The following CNOT11 variants were observed in gnomAD, a reference collection of about 807,000 sequenced individuals.
CNOT11 encodes the protein CCR4-NOT transcription complex subunit 11.
CNOT11 carries 18 observed loss-of-function variants against 44.6 expected under a neutral mutation model. The observed-to-expected ratio is 0.40, with a 90% confidence interval of 0.28 to 0.60. The LOEUF is 0.60. Among genes scored for constraint, CNOT11 ranks in the 20% least tolerant of loss-of-function variants. The probability of loss-of-function intolerance (pLI) is 0.38; values close to 1 mark genes in which losing one functional copy is unlikely to be tolerated. For synonymous variants in CNOT11, 291 were observed against 270.9 expected (o/e 1.07, Z -0.73); for missense variants, 513 against 677.0 (o/e 0.76, Z 2.69).
chr2:101,265,261 C>T (rs1035757921), intron 4 of CNOT11, among the ~76,000 whole-genome samples: 3 of 151,992 alleles, frequency 2.0e-5, no homozygotes, highest in Admixed American at 1.3e-4. Context: ...CCACCATGCC[C>T]GGCTAATTTT....
chr2:101,262,450 C>T, intron 2 of CNOT11, 89 bp from the exon 3 acceptor site: 1 of 1,198,772 alleles, frequency 8.3e-7, no homozygotes. Context: ...CTTTGTTTTT[C>T]TCTGTTACAG....
chr2:101,265,411 A>G (rs2104368861), intron 4 of CNOT11, among the ~76,000 whole-genome samples: 1 of 152,210 alleles, frequency 6.6e-6, no homozygotes, highest in East Asian at 1.9e-4. Flanking sequence ...GCATTTTCTT[A>G]TCTTTAATCC....
intron 1 of CNOT11, among the ~76,000 whole-genome samples, chr2:101,257,032 G>A (rs1195288587): frequency 7.3e-5 from 11 of 151,540 alleles, no homozygotes; most frequent in Non-Finnish European, 1.5e-4. Flanking sequence ...CTGGGCGACA[G>A]AGCGAGATTC....
chr2:101,265,111 T>C (rs1380301389), intron 4 of CNOT11, 64 bp downstream of exon 4: 1 of 1,258,454 alleles, frequency 7.9e-7, no homozygotes, highest in African/African-American at 1.5e-5. Context: ...TTAAAAAAAT[T>C]TGTTTTTGAG....
intron 1 of CNOT11, 35 bp from the exon 2 acceptor site, chr2:101,257,756 C>G (rs771890624): frequency 6.4e-7 from 1 of 1,567,998 alleles, no homozygotes; most frequent in East Asian, 2.3e-5. Flanking sequence ...TTAAAAGTAA[C>G]CATTGGAGAA....
At position 101,269,483 on chromosome 2, in the gene CNOT11, A is replaced by T; in HGVS notation, c.*70A>T. 1 of 1,367,688 alleles carries T rather than the reference A, an allele frequency of 7.3e-7. No individual in the cohort carries two copies. The highest frequency in any genetic ancestry group is 1.0e-6 in the Non-Finnish European group (1 of 971,174). The allele number at this position is 1,367,688 out of a possible 1,614,324, so 84.7% of individuals were successfully genotyped here. A position where few individuals can be genotyped will look rare whatever the true frequency, so the allele number is the denominator to read the frequency against. On this transcript the variant is annotated 3_prime_UTR_variant, in exon 7 of 7. Coordinates refer to ENST00000289382, the MANE Select transcript of CNOT11 (RefSeq NM_017546.5). The surrounding 1 kb of genome is among the most constrained non-coding windows in gnomAD (Gnocchi z 4.8). ...GTGATTTAGTTTTTACACCGTTAAA[A>T]CCCTGAGTGGATTGCTTGGTTTAAT...
chr2:101,269,606 G>A lies in CNOT11; in HGVS notation c.*193G>A, dbSNP rs961888115. 6 of 483,918 alleles carry A rather than the reference G, an allele frequency of 1.2e-5. No homozygotes were observed. The highest frequency in any genetic ancestry group is 1.2e-4 in the African/African-American group (6 of 50,906). 30.0% of individuals were successfully genotyped at this position (483,918 alleles called of 1,614,324 possible). On this transcript the variant is annotated 3_prime_UTR_variant, in exon 7 of 7. Transcript: ENST00000289382. The surrounding 1 kb of genome is among the most constrained non-coding windows in gnomAD (Gnocchi z 4.8). Reference sequence around the variant, plus strand: ...TTTTGATAAGAACTAGGGAAAACATGTCTTTTAGGTGTCTTGCTGATGACT... The same window carrying A: ...TTTTGATAAGAACTAGGGAAAACATATCTTTTAGGTGTCTTGCTGATGACT...
Position 101,264,844 on chromosome 2 carries a change from G to A in CNOT11, c.833-1G>A. On this transcript the variant is annotated splice_acceptor_variant, in intron 3 of 6. Coordinates refer to ENST00000289382, the MANE Select transcript of CNOT11 (RefSeq NM_017546.5). LOFTEE classifies it high-confidence loss of function. ...AGCAACTATCACGGCTCTCATTACA[G>A]GCCATTTTCGACCAGAGTTTATTCG... 6.2e-7 allele frequency: 1 copy of A among 1,613,802 alleles called. No individual in the cohort carries two copies. The highest frequency in any genetic ancestry group is 8.5e-7 in the Non-Finnish European group (1 of 1,179,802).
intron 3 of CNOT11, 104 bp from the exon 4 acceptor site, chr2:101,264,741 T>A: frequency 1.1e-6 from 1 of 888,806 alleles, no homozygotes; most frequent in East Asian, 2.5e-5. Flanking sequence ...AGTCACATCA[T>A]CCTTATTAAG....
intron 2 of CNOT11, among the ~76,000 whole-genome samples, chr2:101,259,543 T>G (rs1343559140): frequency 6.6e-6 from 1 of 152,190 alleles, no homozygotes; most frequent in Non-Finnish European, 1.5e-5. Context: ...TGAGAGCAAC[T>G]CAACAGGGAA....
chr2:101,253,058 A>C lies in CNOT11; in HGVS notation c.94A>C (p.Ser32Arg). ...GGAAGCGGCAGGGTCGGCGTCCAGGAGCGGCTTCGGGGGCTCCGGCGGCGG... is the reference window on the plus strand; with the variant it reads ...GGAAGCGGCAGGGTCGGCGTCCAGGCGCGGCTTCGGGGGCTCCGGCGGCGG... ...SREAAGSASR[S>R]GFGGSGGGRG... The change falls in exon 1 of 7, where the codon AGC (serine) becomes CGC (arginine). Residue 32 changes from serine to arginine, a missense_variant. This residue lies in a region of CNOT11 where 259 missense variants were observed against 265.7 expected (regional missense o/e 0.97). Coordinates refer to ENST00000289382, the MANE Select transcript of CNOT11 (RefSeq NM_017546.5). The surrounding 1 kb of genome is among the most constrained non-coding windows in gnomAD (Gnocchi z 4.3). 2.0e-6 allele frequency: 3 copies of C among 1,517,528 alleles called. No individual in the cohort carries two copies. The highest frequency in any genetic ancestry group is 2.6e-6 in the Non-Finnish European group (3 of 1,138,346). 94.0% of individuals were successfully genotyped at this position (1,517,528 alleles called of 1,614,324 possible).
intron 4 of CNOT11, among the ~76,000 whole-genome samples, 200 bp downstream of exon 4, chr2:101,265,247 T>G (rs1573202898): frequency 6.6e-6 from 1 of 152,074 alleles, no homozygotes; most frequent in Non-Finnish European, 1.5e-5. Flanking sequence ...ACTACAGGCA[T>G]GCACCACCAT....
Position 101,253,568 on chromosome 2 carries a change from TTAAC to T in CNOT11, c.514+93_514+96del. 1.8e-6 allele frequency: 2 copies of T among 1,135,392 alleles called. No homozygotes were observed. The highest frequency in any genetic ancestry group is 2.4e-6 in the Non-Finnish European group (2 of 848,562). 70.3% of individuals were successfully genotyped at this position (1,135,392 alleles called of 1,614,324 possible). A position where few individuals can be genotyped will look rare whatever the true frequency, so the allele number is the denominator to read the frequency against. ...GCTGGGAACTCACCTGAAAGGGAAA[TTAAC>T]TATCCCTGTGAAATGATCATCCTCT... On this transcript the variant is annotated intron_variant, in intron 1 of 6. Coordinates refer to ENST00000289382, the MANE Select transcript of CNOT11 (RefSeq NM_017546.5). The surrounding 1 kb of genome is among the most constrained non-coding windows in gnomAD (Gnocchi z 4.3).
At chr2:101,262,409 A>G (rs1681885901) in intron 2 of CNOT11, 130 bp from the exon 3 acceptor site, 9 of 781,806 alleles carry the variant, frequency 1.2e-5, no homozygotes, top group African/African-American at 1.0e-4. Context: ...ACAGACATAC[A>G]CACATTTTCT....
chr2:101,257,901 G>A lies in CNOT11; in HGVS notation c.625G>A (p.Val209Ile), dbSNP rs770515487. Residue 209 changes from valine (V) to isoleucine (I), a missense_variant, in exon 2 of 7, where the codon GTT becomes ATT. Transcript: ENST00000289382. ...GCCTCGCCAGATTGCACTGATGGACGTTGGAAACATGGGCCAGTCTGTGGA... is the reference window on the plus strand; with the variant it reads ...GCCTCGCCAGATTGCACTGATGGACATTGGAAACATGGGCCAGTCTGTGGA... Reference protein sequence around the residue: ...KTPRQIALMDVGNMGQSVDIS... With the variant: ...KTPRQIALMDIGNMGQSVDIS... The A allele has an allele frequency of 4.1e-5, 66 of 1,614,094 alleles. No individual in the cohort carries two copies. The East Asian group carries it at 5.3e-4, about 13-fold the overall frequency.
intron 3 of CNOT11, among the ~76,000 whole-genome samples, chr2:101,264,535 C>T (rs1462861443): frequency 6.6e-6 from 1 of 152,164 alleles, no homozygotes; most frequent in Non-Finnish European, 1.5e-5. Flanking sequence ...GAGTCGTGCC[C>T]TTTTGCTGTT....
chr2:101,266,876 A>G lies in CNOT11; in HGVS notation c.1235A>G (p.Asn412Ser). ...TCTTTACATTCAATGGAAGTTGTAA[A>G]TCGGTAAGTTTCTAGATTTGATCAA... is the stretch of plus-strand genomic sequence containing the variant. ...DMSLHSMEVVNRLTTAVDLPP... is the reference protein window; with the variant it reads ...DMSLHSMEVVSRLTTAVDLPP... The change falls in exon 5 of 7, where the codon AAT becomes AGT. Residue 412 changes from asparagine (N) to serine (S), a missense_variant. Transcript: ENST00000289382. The G allele has an allele frequency of 6.2e-7, 1 of 1,610,928 alleles. No homozygotes were observed. Among genetic ancestry groups the G allele is most frequent in the Non-Finnish European group, 8.5e-7 (1 of 1,177,182 alleles).
In CNOT11 at chr2:101,269,493, G is replaced by T. The variant is rs1682062476; in HGVS notation, c.*80G>T. The T allele has an allele frequency of 7.7e-7, 1 of 1,302,942 alleles. No homozygotes were observed. The highest frequency in any genetic ancestry group is 1.9e-5 in the Admixed American group (1 of 53,150). The allele number at this position is 1,302,942 out of a possible 1,614,324, so 80.7% of individuals were successfully genotyped here. On this transcript the variant is annotated 3_prime_UTR_variant, in exon 7 of 7. Transcript: ENST00000289382. The surrounding 1 kb of genome is among the most constrained non-coding windows in gnomAD (Gnocchi z 4.8). ...TTTTACACCGTTAAAACCCTGAGTG[G>T]ATTGCTTGGTTTAATGCATATAAAC... is the stretch of plus-strand genomic sequence containing the variant.
At chr2:101,268,350 T>C (rs1291801942) in intron 5 of CNOT11, among the ~76,000 whole-genome samples, 1 of 152,222 alleles carries the variant, frequency 6.6e-6, no homozygotes, top group Non-Finnish European at 1.5e-5. Context: ...TACCAGACAT[T>C]TGGCCCTGAG....
Sources: allele counts gnomAD v4.1 joint callset (sites outside exome capture counted in the v4.1 genomes callset), GRCh38; gene constraint gnomAD v4.1.1; regional missense constraint gnomAD v4.1.1; non-coding constraint Gnocchi (gnomAD v3.1); transcripts MANE v1.5; gene names NCBI Gene and HGNC (gene_info 2026-07-23, HGNC 2026-07-21).